The following POU6F2 variants were observed in gnomAD, a reference collection of about 807,000 sequenced individuals.
POU6F2 encodes the protein POU class 6 homeobox 2.
In POU6F2, 31 loss-of-function variants were observed where a neutral mutation model predicts 71.3. That is an observed-to-expected ratio of 0.43 (90% confidence interval 0.33 to 0.59). POU6F2 has a LOEUF of 0.59. POU6F2 is among the 20% of genes least tolerant of loss of function. The probability of loss-of-function intolerance (pLI) is 0.04; values close to 1 mark genes in which losing one functional copy is unlikely to be tolerated. For synonymous variants in POU6F2, 347 were observed against 355.7 expected (o/e 0.98, Z 0.27); for missense variants, 783 against 856.8 (o/e 0.91, Z 1.07).
In POU6F2 at chr7:39,016,040, T is replaced by TTATATATTATATATATTATATATAGA. The variant is rs1240283805; in HGVS notation, c.105+38006_105+38007insGATATATATTATATATATTATATATA. Among the ~76,000 whole-genome samples the TTATATATTATATATATTATATATAGA allele has an allele frequency of 1.2e-3, 67 of 54,562 alleles. 6 individuals are homozygous for TTATATATTATATATATTATATATAGA. The highest frequency in any genetic ancestry group is 3.8e-3 in the African/African-American group (64 of 16,862). 35.8% of individuals were successfully genotyped at this position (54,562 alleles called of 152,430 possible). ...TATATATATTATATATAGATATATATTATATATTATATATATTATATATAA... is the reference window on the plus strand; with the variant it reads ...TATATATATTATATATAGATATATATTATATATTATATATATTATATATAGATATATATTATATATATTATATATAA... On this transcript the variant is annotated intron_variant, in intron 1 of 9. Coordinates refer to ENST00000518318, the MANE Select transcript of POU6F2 (RefSeq NM_001370959.1).
At chr7:39,068,700 C>T (rs887595854) in intron 1 of POU6F2, among the ~76,000 whole-genome samples, 8 of 152,024 alleles carry the variant, frequency 5.3e-5, no homozygotes, top group African/African-American at 1.4e-4. Context: ...GACAGAATAA[C>T]AGGAACTCAT....
chr7:39,218,727 A>C (rs1794291720), intron 4 of POU6F2, among the ~76,000 whole-genome samples: 1 of 152,098 alleles, frequency 6.6e-6, no homozygotes, highest in Admixed American at 6.6e-5. Flanking sequence ...AGGAGGCGTT[A>C]ACAAGGTGGG....
chr7:39,029,138 A>G (rs1466580828), intron 1 of POU6F2, among the ~76,000 whole-genome samples: 1 of 152,130 alleles, frequency 6.6e-6, no homozygotes, highest in Non-Finnish European at 1.5e-5. Flanking sequence ...TCTTTTTAAC[A>G]CAAATTTTTC....
chr7:39,445,582 C>A (rs1004553346), intron 7 of POU6F2, among the ~76,000 whole-genome samples: 20 of 152,194 alleles, frequency 1.3e-4, no homozygotes, highest in Non-Finnish European at 1.8e-4. Context: ...CTCTGTAAAG[C>A]CTCTCTGAAT....
At chr7:39,125,303 A>G (rs1398895687) in intron 2 of POU6F2, among the ~76,000 whole-genome samples, 1 of 152,188 alleles carries the variant, frequency 6.6e-6, no homozygotes, top group Non-Finnish European at 1.5e-5. Flanking sequence ...ATTCAATGTT[A>G]GATGGTATTT....
At chr7:39,102,236 G>A (rs1791589106) in intron 2 of POU6F2, among the ~76,000 whole-genome samples, 2 of 152,166 alleles carry the variant, frequency 1.3e-5, no homozygotes, top group South Asian at 4.1e-4. Context: ...CACCTATTAA[G>A]TGTGTCCCCA....
At chr7:39,361,436 T>C (rs761454688) in intron 5 of POU6F2, among the ~76,000 whole-genome samples, 13 of 152,228 alleles carry the variant, frequency 8.5e-5, no homozygotes, top group Non-Finnish European at 1.5e-4. Flanking sequence ...ATCCGTCAGT[T>C]TGACTGCCTC....
At chr7:38,989,487 A>T (rs73369741) in intron 1 of POU6F2, among the ~76,000 whole-genome samples, 3,543 of 152,200 alleles carry the variant, frequency 0.023, 150 homozygotes, top group African/African-American at 0.082. Flanking sequence ...GATATTTGGG[A>T]TTATAAAATA....
intron 1 of POU6F2, among the ~76,000 whole-genome samples, chr7:39,070,944 TGGATG>T (rs889012192): frequency 6.6e-6 from 1 of 151,724 alleles, no homozygotes; most frequent in Admixed American, 6.6e-5. Context: ...CTTAGAGGAG[TGGATG>T]GTATATAGCA....
At chr7:39,080,585 G>A (rs551064214) in intron 1 of POU6F2, among the ~76,000 whole-genome samples, 117 of 152,208 alleles carry the variant, frequency 7.7e-4, no homozygotes, top group African/African-American at 2.6e-3. Context: ...AATCTGTTGT[G>A]TATTGTATAA....
intron 2 of POU6F2, among the ~76,000 whole-genome samples, chr7:39,168,411 A>G (rs1793155199): frequency 6.6e-6 from 1 of 152,212 alleles, no homozygotes; most frequent in African/African-American, 2.4e-5. Flanking sequence ...TTTACATTCC[A>G]GTATTCTTTC....
intron 2 of POU6F2, among the ~76,000 whole-genome samples, chr7:39,097,502 G>C (rs1791478717): frequency 6.6e-6 from 1 of 151,948 alleles, no homozygotes; most frequent in African/African-American, 2.4e-5. Flanking sequence ...TCTCACTTTT[G>C]TGCCACTTTC....
chr7:39,012,554 C>T (rs1789323594), intron 1 of POU6F2, among the ~76,000 whole-genome samples: 1 of 151,872 alleles, frequency 6.6e-6, no homozygotes, highest in Non-Finnish European at 1.5e-5. Flanking sequence ...CAGCTTTGTT[C>T]CGTTGCTGGT....
At chr7:39,008,405 G>T (rs1263464380) in intron 1 of POU6F2, among the ~76,000 whole-genome samples, 4 of 152,024 alleles carry the variant, frequency 2.6e-5, no homozygotes, top group Admixed American at 2.6e-4. Flanking sequence ...TGAGTTCATT[G>T]TAGATTCTGG....
At chr7:39,149,885 C>CTT (rs70977463) in intron 2 of POU6F2, among the ~76,000 whole-genome samples, 332 of 142,300 alleles carry the variant, frequency 2.3e-3, no homozygotes, top group African/African-American at 5.1e-3. Flanking sequence ...GCAAGATTTC[C>CTT]TTTTTTTTTT....
intron 2 of POU6F2, among the ~76,000 whole-genome samples, chr7:39,175,071 ATG>A (rs138654861): frequency 1.5e-4 from 23 of 151,542 alleles, no homozygotes; most frequent in South Asian, 6.3e-4. Context: ...GTGTATGTGT[ATG>A]TGTGTGTGTG....
chr7:39,003,068 A>G (rs1421761342), intron 1 of POU6F2, among the ~76,000 whole-genome samples: 1 of 152,184 alleles, frequency 6.6e-6, no homozygotes, highest in African/African-American at 2.4e-5. Flanking sequence ...AAAGAATCTC[A>G]GTTATTTAGT....
rs568041733 is a variant in POU6F2, at chr7:39,326,803, A to G, written c.599-12839A>G. On this transcript the variant is annotated intron_variant, in intron 4 of 9. Transcript: ENST00000518318. Reference sequence around the variant, plus strand: ...CCAAGCTCCTCACAGCTGAAAATCCATAACAATGATGCTTTCCCAGAGCCT... The same window carrying G: ...CCAAGCTCCTCACAGCTGAAAATCCGTAACAATGATGCTTTCCCAGAGCCT... Among the ~76,000 whole-genome samples the G allele has an allele frequency of 9.8e-5, 15 of 152,332 alleles. No homozygotes were observed. In the South Asian group the frequency reaches 2.7e-3, roughly 27 times the overall value.
In POU6F2 at chr7:39,371,471, G is replaced by A. The variant is rs548461091; in HGVS notation, c.972+31456G>A. 9.2e-5 allele frequency among the ~76,000 whole-genome samples: 14 copies of A among 152,164 alleles called. No homozygotes were observed. The South Asian group carries it at 2.5e-3, about 27-fold the overall frequency. ...TGGGATTACAGGTGTGAGCCACCAC[G>A]CCCGGCCGAGAATGGTTCTTAAAGT... is the stretch of plus-strand genomic sequence containing the variant. On this transcript the variant is annotated intron_variant, in intron 5 of 9. Transcript: ENST00000518318.
Sources: allele counts gnomAD v4.1 joint callset (sites outside exome capture counted in the v4.1 genomes callset), GRCh38; gene constraint gnomAD v4.1.1; transcripts MANE v1.5; gene names NCBI Gene and HGNC (gene_info 2026-07-23, HGNC 2026-07-21).